Variants in DAB1 observed in about 807,000 individuals in gnomAD.
DAB1 encodes the protein DAB adaptor protein 1.
A neutral mutation model predicts 64.6 loss-of-function variants in DAB1; 15 were observed. That is an observed-to-expected ratio of 0.23 (90% confidence interval 0.16 to 0.36). The LOEUF (loss-of-function observed/expected upper bound fraction) is 0.36, where lower values mean the gene tolerates loss of function less well. Among genes scored for constraint, DAB1 ranks in the 10% least tolerant of loss-of-function variants. The pLI, the probability that DAB1 is intolerant of heterozygous loss-of-function variation, is 1.00. For missense variants in DAB1, 596 were observed against 706.7 expected (o/e 0.84, Z 1.78); for synonymous variants, 235 against 251.9 (o/e 0.93, Z 0.64).
chr1:57,596,417 C>T (rs1645510410), intron 7 of DAB1, among the ~76,000 whole-genome samples: 1 of 152,214 alleles, frequency 6.6e-6, no homozygotes, highest in South Asian at 2.1e-4. Context: ...TTCCCCAGCA[C>T]TTAGCACAAT....
At chr1:58,328,344 C>T (rs1014557084) in intron 4 of DAB1, among the ~76,000 whole-genome samples, 3 of 152,238 alleles carry the variant, frequency 2.0e-5, no homozygotes, top group Non-Finnish European at 4.4e-5. Context: ...CTCCCGTTTT[C>T]ATAGTTCAGG....
At chr1:57,552,073 C>G (rs1257114949) in intron 7 of DAB1, among the ~76,000 whole-genome samples, 1 of 152,150 alleles carries the variant, frequency 6.6e-6, no homozygotes, top group African/African-American at 2.4e-5. Flanking sequence ...TCCTGTACAT[C>G]GCAGTAAGCA....
intron 5 of DAB1, among the ~76,000 whole-genome samples, chr1:57,911,463 A>T: frequency 6.6e-6 from 1 of 152,018 alleles, no homozygotes; most frequent in African/African-American, 2.4e-5. Context: ...GGACAGCTAG[A>T]CCTCCAGCAT....
chr1:57,206,256 G>A (rs901388578), intron 2 of DAB1, among the ~76,000 whole-genome samples: 1 of 152,168 alleles, frequency 6.6e-6, no homozygotes, highest in Non-Finnish European at 1.5e-5. Context: ...GGATAGGGAA[G>A]AATGCTTAGT....
chr1:58,428,286 C>A (rs2100234873), intron 3 of DAB1, among the ~76,000 whole-genome samples: 1 of 152,172 alleles, frequency 6.6e-6, no homozygotes, highest in East Asian at 1.9e-4. Flanking sequence ...TGCCAAAATA[C>A]AAAAACTGGC....
chr1:57,273,789 C>G (rs1671241635), intron 2 of DAB1, among the ~76,000 whole-genome samples: 1 of 151,994 alleles, frequency 6.6e-6, no homozygotes, highest in African/African-American at 2.4e-5. Context: ...ACTGGAATCT[C>G]ACCAGCCCTT....
At chr1:58,253,492 G>T (rs1660852477) in intron 4 of DAB1, among the ~76,000 whole-genome samples, 1 of 152,210 alleles carries the variant, frequency 6.6e-6, no homozygotes, top group Non-Finnish European at 1.5e-5. Context: ...GGTGTGCACG[G>T]TCAGTTATTG....
intron 1 of DAB1, among the ~76,000 whole-genome samples, chr1:58,540,991 A>G (rs535220727): frequency 2.0e-5 from 3 of 152,178 alleles, no homozygotes; most frequent in Non-Finnish European, 4.4e-5. Context: ...TTGACATCTT[A>G]GGTGAACTGT....
intron 4 of DAB1, among the ~76,000 whole-genome samples, chr1:57,078,997 C>A (rs992069614): frequency 6.6e-6 from 1 of 151,914 alleles, no homozygotes; most frequent in Non-Finnish European, 1.5e-5. Context: ...GCAAGCAGTA[C>A]CGAAAAAATG....
chr1:58,387,672 T>G (rs1005093038), intron 3 of DAB1, among the ~76,000 whole-genome samples: 8 of 151,894 alleles, frequency 5.3e-5, no homozygotes, highest in African/African-American at 1.7e-4. Flanking sequence ...TAATCTTTCC[T>G]GGTTATTTGA....
intron 3 of DAB1, among the ~76,000 whole-genome samples, chr1:58,496,116 A>G (rs1021648147): frequency 6.6e-6 from 1 of 152,088 alleles, no homozygotes; most frequent in Non-Finnish European, 1.5e-5. Flanking sequence ...TCCCATTGTT[A>G]TATGCAGCTT....
chr1:57,021,710 G>T (rs756592344), intron 11 of DAB1, among the ~76,000 whole-genome samples: 5 of 152,182 alleles, frequency 3.3e-5, no homozygotes, highest in South Asian at 2.1e-4. Flanking sequence ...ACCCAGGCAG[G>T]TCCTCAGCGT....
intron 4 of DAB1, among the ~76,000 whole-genome samples, chr1:58,180,114 G>C (rs1326739775): frequency 1.3e-5 from 2 of 151,568 alleles, no homozygotes; most frequent in African/African-American, 4.8e-5. Flanking sequence ...CACAGATTTT[G>C]CTATCTGTAA....
chr1:58,039,874 G>T (rs1005945302), intron 5 of DAB1, among the ~76,000 whole-genome samples: 2 of 152,128 alleles, frequency 1.3e-5, no homozygotes, highest in African/African-American at 2.4e-5. Flanking sequence ...TTACAAAAGT[G>T]CTTGGGACAT....
At chr1:58,378,341 T>C (rs1433031107) in intron 3 of DAB1, among the ~76,000 whole-genome samples, 1 of 88,764 alleles carries the variant, frequency 1.1e-5, no homozygotes, top group Admixed American at 1.1e-4. Flanking sequence ...ATGATGGTGA[T>C]GTACAGATGG....
At chr1:58,375,316 T>C (rs1569701280) in intron 3 of DAB1, among the ~76,000 whole-genome samples, 1 of 142,128 alleles carries the variant, frequency 7.0e-6, no homozygotes, top group Admixed American at 7.1e-5. Flanking sequence ...TGGCTGTGGG[T>C]TTGTCATAGA....
intron 7 of DAB1, among the ~76,000 whole-genome samples, chr1:57,452,433 T>C (rs1463134939): frequency 6.6e-6 from 1 of 152,098 alleles, no homozygotes; most frequent in African/African-American, 2.4e-5. Context: ...GGACATTTTT[T>C]TCCAGGACAG....
chr1:58,201,056 G>T (rs1012714373), intron 4 of DAB1, among the ~76,000 whole-genome samples: 1 of 149,394 alleles, frequency 6.7e-6, no homozygotes, highest in Non-Finnish European at 1.5e-5. Context: ...TCGCTCTGTC[G>T]CCCAGGCTGG....
At chr1:57,583,028 T>A (rs1645332230) in intron 7 of DAB1, among the ~76,000 whole-genome samples, 1 of 152,114 alleles carries the variant, frequency 6.6e-6, no homozygotes, top group South Asian at 2.1e-4. Context: ...TTTTTGTGAC[T>A]ATGAGAGGAA....
Sources: allele counts gnomAD v4.1 joint callset (sites outside exome capture counted in the v4.1 genomes callset), GRCh38; gene constraint gnomAD v4.1.1; transcripts MANE v1.5; gene names NCBI Gene and HGNC (gene_info 2026-07-23, HGNC 2026-07-21).